The following SMIM7 variants were observed in gnomAD, a reference collection of about 807,000 sequenced individuals.
SMIM7 encodes small integral membrane protein 7.
In SMIM7, 12 loss-of-function variants were observed where a neutral mutation model predicts 13.3. The observed-to-expected ratio is 0.90, with a 90% CI of 0.58 to 1.46. The LOEUF is 1.46. Among genes scored for constraint, SMIM7 ranks in the 40% most tolerant of loss-of-function variants. SMIM7 has a pLI of 0.00. For synonymous variants in SMIM7, 36 were observed against 35.8 expected (o/e 1.01, Z -0.02); for missense variants, 114 against 94.8 (o/e 1.20, Z -0.84).
In SMIM7 at chr19:16,660,132, C is replaced by G; in HGVS notation, c.-22G>C. 1.2e-6 allele frequency: 2 copies of G among 1,614,050 alleles called. No homozygotes were observed. The highest frequency in any genetic ancestry group is 2.2e-5 in the East Asian group (1 of 44,876). ...TCATCGTTACGGCCGAAGCGTCCGT[C>G]AGAACCGGAAGCGGAAGCCCCAGGG... On this transcript the variant is annotated 5_prime_UTR_variant, in exon 1 of 5. Coordinates refer to ENST00000487416, the MANE Select transcript of SMIM7 (RefSeq NM_024104.4).
downstream of SMIM7, among the ~76,000 whole-genome samples, chr19:16,643,334 T>A (rs2086418506): frequency 6.6e-6 from 1 of 152,202 alleles, no homozygotes; most frequent in Non-Finnish European, 1.5e-5. Flanking sequence ...CTATGGGTGA[T>A]TTATTTTTCC....
rs765160738 is a variant in SMIM7 at position 16,659,405 on chromosome 19, C to G, written c.111G>C (p.Glu37Asp). ...CCAATTAGACCTTACCTGTGCTGGG[C>G]TCCCTGGACTCCTCCCCAAAGCCCT... Reference protein sequence around the residue: ...DTQGFGEESREPSTGDNIREF... With the variant: ...DTQGFGEESRDPSTGDNIREF... Residue 37 changes from glutamate (E) to aspartate (D), a missense_variant, in exon 3 of 5, where the codon GAG becomes GAC. By Grantham distance (45) the Glu-to-Asp change is conservative (BLOSUM62 2). Coordinates refer to ENST00000487416, the MANE Select transcript of SMIM7 (RefSeq NM_024104.4). 1 of 1,613,802 alleles carries G rather than the reference C, an allele frequency of 6.2e-7. No homozygotes were observed. The highest frequency in any genetic ancestry group is 1.1e-5 in the South Asian group (1 of 90,978).
chr19:16,642,596 T>C (rs537280914), downstream of SMIM7, among the ~76,000 whole-genome samples: 2 of 152,018 alleles, frequency 1.3e-5, no homozygotes, highest in East Asian at 1.9e-4. Flanking sequence ...ATCCCAGAAA[T>C]ACTGGAGGCC....
chr19:16,646,919 C>T lies in SMIM7; in HGVS notation c.*327G>A. ...GGCTGTGTTAAACTAACAAGCCAATCCTTCTGCTCAGATCTCTGGATAGAA... is the reference window on the plus strand; with the variant it reads ...GGCTGTGTTAAACTAACAAGCCAATTCTTCTGCTCAGATCTCTGGATAGAA... On this transcript the variant is annotated 3_prime_UTR_variant, in exon 5 of 5. Coordinates refer to ENST00000487416, the MANE Select transcript of SMIM7 (RefSeq NM_024104.4). 1 of 390,980 alleles carries T rather than the reference C, an allele frequency of 2.6e-6. No homozygotes were observed. The highest frequency in any genetic ancestry group is 4.7e-6 in the Non-Finnish European group (1 of 213,546). The allele number at this position is 390,980 out of a possible 1,614,324, so 24.2% of individuals were successfully genotyped here.
At chr19:16,639,283 C>T (rs146869865) in intron 4 of SMIM7, among the ~76,000 whole-genome samples, 2,511 of 152,076 alleles carry the variant, frequency 0.017, 70 homozygotes, top group African/African-American at 0.057. Context: ...CCACCTCGCC[C>T]GGCTAATTTT....
At chr19:16,650,160 CTTG>C (rs1168230132) in intron 4 of SMIM7, among the ~76,000 whole-genome samples, 2 of 152,116 alleles carry the variant, frequency 1.3e-5, no homozygotes, top group African/African-American at 2.4e-5. Flanking sequence ...AACTTTTCCT[CTTG>C]TTATTTTATG....
At chr19:16,651,745 A>T (rs2086529105) in intron 4 of SMIM7, among the ~76,000 whole-genome samples, 1 of 151,778 alleles carries the variant, frequency 6.6e-6, no homozygotes, top group Non-Finnish European at 1.5e-5. Flanking sequence ...ACCTTTGCAA[A>T]GACGAGAATG....
Position 16,654,019 on chromosome 19 carries a change from G to A in SMIM7, c.212+16C>T, listed in dbSNP as rs1298492070. The A allele has an allele frequency of 1.9e-6, 3 of 1,610,264 alleles. No individual in the cohort carries two copies. The highest frequency in any genetic ancestry group is 2.2e-5 in the East Asian group (1 of 44,776). ...CTAAGAGACGACAGTGAAAGGAAAGGGCAGGCTGGACTCACACAATCATGC... is the reference window on the plus strand; with the variant it reads ...CTAAGAGACGACAGTGAAAGGAAAGAGCAGGCTGGACTCACACAATCATGC... On this transcript the variant is annotated intron_variant, in intron 4 of 4. Transcript: ENST00000487416.
At chr19:16,658,829 G>A (rs1470474162) in intron 3 of SMIM7, among the ~76,000 whole-genome samples, 1 of 152,070 alleles carries the variant, frequency 6.6e-6, no homozygotes, top group East Asian at 1.9e-4. Context: ...AGTCATATGT[G>A]AGGGGCAGAC....
intron 3 of SMIM7, among the ~76,000 whole-genome samples, chr19:16,658,608 G>A (rs776999958): frequency 6.6e-6 from 1 of 152,108 alleles, no homozygotes; most frequent in Non-Finnish European, 1.5e-5. Context: ...AATTTTTCAA[G>A]AAAAATCAGA....
intron 4 of SMIM7, among the ~76,000 whole-genome samples, chr19:16,638,253 A>G: frequency 6.7e-6 from 1 of 149,698 alleles, no homozygotes; most frequent in Non-Finnish European, 1.5e-5. Context: ...GATGACAGAG[A>G]TTCTGTCTCA....
intron 2 of SMIM7, 31 bp downstream of exon 2, chr19:16,659,928 T>G (rs746148694): frequency 1.0e-4 from 165 of 1,599,564 alleles, no homozygotes; most frequent in Non-Finnish European, 6.2e-5. Context: ...GTTCCCCGGA[T>G]GGAGCCGCAG....
At chr19:16,654,572 G>A (rs2086572944) in intron 3 of SMIM7, among the ~76,000 whole-genome samples, 1 of 151,952 alleles carries the variant, frequency 6.6e-6, no homozygotes, top group Non-Finnish European at 1.5e-5. Context: ...TATAAAGATG[G>A]GGTTTTGCTA....
At chr19:16,653,027 A>T (rs1343033654) in intron 4 of SMIM7, 4 of 1,525,984 alleles carry the variant, frequency 2.6e-6, no homozygotes, top group Non-Finnish European at 2.7e-6. Context: ...ACTGGCTTCC[A>T]GCCCAGGTGG....
chr19:16,659,304 A>G (rs12976431), intron 3 of SMIM7, 91 bp downstream of exon 3: 3 of 1,003,524 alleles, frequency 3.0e-6, no homozygotes, highest in Non-Finnish European at 4.4e-6. Flanking sequence ...AAAAAAAAAA[A>G]GAGAAAGAAA....
intron 4 of SMIM7, 118 bp from the exon 5 acceptor site, chr19:16,647,379 T>A: frequency 8.0e-7 from 1 of 1,252,498 alleles, no homozygotes; most frequent in Non-Finnish European, 1.1e-6. Flanking sequence ...TACATGATTG[T>A]CTGATTTTTT....
chr19:16,632,758 C>T (rs914919117), intron 4 of SMIM7, among the ~76,000 whole-genome samples: 7 of 151,922 alleles, frequency 4.6e-5, no homozygotes, highest in African/African-American at 1.7e-4. Context: ...TCTGGAACTC[C>T]TGACTTCAGG....
At chr19:16,659,839 C>A (rs1359317154) in intron 2 of SMIM7, 120 bp downstream of exon 2, 4 of 1,336,196 alleles carry the variant, frequency 3.0e-6, no homozygotes, top group Admixed American at 4.0e-5. Context: ...GCCCAGAGGG[C>A]GGATAGGGCG....
chr19:16,639,182 C>A (rs941819227), intron 4 of SMIM7, among the ~76,000 whole-genome samples: 2 of 143,962 alleles, frequency 1.4e-5, no homozygotes, highest in Non-Finnish European at 3.0e-5. Context: ...AGTGCAGTGG[C>A]GTGATCTCGG....
Sources: allele counts gnomAD v4.1 joint callset (sites outside exome capture counted in the v4.1 genomes callset), GRCh38; gene constraint gnomAD v4.1.1; transcripts MANE v1.5; gene names NCBI Gene and HGNC (gene_info 2026-07-23, HGNC 2026-07-21).